UBR2: variants seen among roughly 807,000 people sequenced by gnomAD.
The protein encoded by UBR2 is E3 ubiquitin-protein ligase UBR2.
In UBR2, 92 loss-of-function variants were observed where a neutral mutation model predicts 247.9. The observed-to-expected ratio is 0.37, with a 90% confidence interval of 0.31 to 0.44. The LOEUF (loss-of-function observed/expected upper bound fraction) is 0.44, where lower values mean the gene tolerates loss of function less well. Among genes scored for constraint, UBR2 ranks in the 20% least tolerant of loss-of-function variants. The pLI is 1.00. For missense variants in UBR2, 1,613 were observed against 2,112.6 expected (o/e 0.76, Z 4.64); for synonymous variants, 672 against 693.5 (o/e 0.97, Z 0.49).
chr6:42,659,550 C>G lies in UBR2; in HGVS notation c.3243-106C>G. ...ACACACACACACACACACACACACACACACACACACACTACACACACACAC... is the reference window on the plus strand; with the variant it reads ...ACACACACACACACACACACACACAGACACACACACACTACACACACACAC... On this transcript the variant is annotated intron_variant, in intron 29 of 46. Coordinates refer to ENST00000372901, the MANE Select transcript of UBR2 (RefSeq NM_001363705.2). The surrounding 1 kb of genome is among the most constrained non-coding windows in gnomAD (Gnocchi z 4.3). 1 of 773,230 alleles carries G rather than the reference C, an allele frequency of 1.3e-6. No homozygotes were observed. Among genetic ancestry groups the G allele is most frequent in the Non-Finnish European group, 2.1e-6 (1 of 479,058 alleles). The allele number at this position is 773,230 out of a possible 1,614,324, so 47.9% of individuals were successfully genotyped here.
chr6:42,575,593 C>A (rs1327099835), intron 2 of UBR2, among the ~76,000 whole-genome samples: 8 of 152,092 alleles, frequency 5.3e-5, no homozygotes, highest in African/African-American at 1.9e-4. Context: ...AGATTACAGA[C>A]CAGTTATTTT....
Position 42,658,825 on chromosome 6 carries a change from G to GT in UBR2, c.3242+2dup, listed in dbSNP as rs750233957. ...CAACCTCTGCTGTTCTTGATCATAG[G>GT]TAAAAAAAAAAAAAAAAAAAATTAA... On this transcript the variant is annotated splice_donor_variant, in intron 29 of 46. Transcript: ENST00000372901. LOFTEE classifies it high-confidence loss of function. 7.4e-7 allele frequency: 1 copy of GT among 1,349,732 alleles called. No homozygotes were observed. The highest frequency in any genetic ancestry group is 3.2e-5 in the Admixed American group (1 of 31,394). The allele number at this position is 1,349,732 out of a possible 1,614,324, so 83.6% of individuals were successfully genotyped here.
intron 1 of UBR2, among the ~76,000 whole-genome samples, chr6:42,571,207 C>T (rs1206128050): frequency 1.5e-5 from 2 of 135,022 alleles, no homozygotes; most frequent in Non-Finnish European, 3.1e-5. Context: ...CGCGCCACTG[C>T]ACTCCAGCCT....
chr6:42,607,766 C>T (rs1385702586), intron 7 of UBR2, among the ~76,000 whole-genome samples: 1 of 137,942 alleles, frequency 7.2e-6, no homozygotes, highest in East Asian at 2.2e-4. Context: ...ATTATCCTTT[C>T]TCCTTCCCTA....
At chr6:42,569,848 A>G (rs1425447897) in intron 1 of UBR2, among the ~76,000 whole-genome samples, 1 of 152,196 alleles carries the variant, frequency 6.6e-6, no homozygotes, top group Non-Finnish European at 1.5e-5. Flanking sequence ...TCCTGGAAAC[A>G]TTGTCATAAC....
intron 11 of UBR2, among the ~76,000 whole-genome samples, chr6:42,618,808 A>G (rs924872028): frequency 1.1e-4 from 16 of 152,224 alleles, no homozygotes; most frequent in Non-Finnish European, 2.2e-4. Context: ...TTAGGTGGTG[A>G]AATCTACAGA....
chr6:42,603,395 C>G (rs1793507657), intron 4 of UBR2, among the ~76,000 whole-genome samples, 193 bp from the exon 5 acceptor site: 2 of 151,994 alleles, frequency 1.3e-5, no homozygotes, highest in South Asian at 4.1e-4. Flanking sequence ...TGGGATTGTT[C>G]TGAACTAAAA....
chr6:42,645,675 C>T, intron 21 of UBR2, 85 bp downstream of exon 21: 1 of 1,379,822 alleles, frequency 7.2e-7, no homozygotes, highest in South Asian at 1.3e-5. Context: ...CTTCTGTATA[C>T]CTTTCTCACA....
At chr6:42,637,281 C>A in intron 15 of UBR2, 87 bp downstream of exon 15, 1 of 1,379,596 alleles carries the variant, frequency 7.2e-7, no homozygotes. Flanking sequence ...TACTTTGTGC[C>A]AGATGTTATT....
chr6:42,593,714 G>T (rs1792805436), intron 3 of UBR2, among the ~76,000 whole-genome samples: 1 of 152,098 alleles, frequency 6.6e-6, no homozygotes, highest in Non-Finnish European at 1.5e-5. Flanking sequence ...GGCTATTTAA[G>T]GTGTATTAGA....
chr6:42,682,954 C>A (rs1799139410), intron 42 of UBR2, 101 bp from the exon 43 acceptor site: 1 of 959,470 alleles, frequency 1.0e-6, no homozygotes, highest in Non-Finnish European at 1.6e-6. Flanking sequence ...TATGTTAGGT[C>A]AAGAATATTA....
intron 11 of UBR2, among the ~76,000 whole-genome samples, chr6:42,628,390 C>T (rs1795485785): frequency 6.6e-6 from 1 of 151,932 alleles, no homozygotes; most frequent in Non-Finnish European, 1.5e-5. Flanking sequence ...ATCACAATTA[C>T]CTTACAATTA....
chr6:42,683,207 C>CT, intron 43 of UBR2, 96 bp downstream of exon 43: 1 of 991,668 alleles, frequency 1.0e-6, no homozygotes, highest in Non-Finnish European at 1.5e-6. Context: ...CTTCTCAAGC[C>CT]TTTAGTGATT....
chr6:42,652,208 G>A, intron 24 of UBR2, 137 bp downstream of exon 24: 1 of 882,024 alleles, frequency 1.1e-6, no homozygotes, highest in Non-Finnish European at 1.7e-6. Flanking sequence ...CTCCTATTCA[G>A]AGGAATAATA....
At chr6:42,667,703 TA>T (rs1798197553) in intron 34 of UBR2, among the ~76,000 whole-genome samples, 1 of 111,204 alleles carries the variant, frequency 9.0e-6, no homozygotes, top group Non-Finnish European at 1.9e-5. Context: ...GTTTTCTATG[TA>T]TTTTTTTTTT....
chr6:42,633,445 C>CGCAATCTCAGCTCACTGCGG (rs1562335846), intron 13 of UBR2, among the ~76,000 whole-genome samples: 2 of 151,702 alleles, frequency 1.3e-5, no homozygotes, highest in African/African-American at 2.4e-5. Context: ...GGCTGGAGTG[C>CGCAATCTCAGCTCACTGCGG]AGTGGCGCAA....
At chr6:42,628,284 A>C (rs1325572056) in intron 11 of UBR2, among the ~76,000 whole-genome samples, 1 of 152,208 alleles carries the variant, frequency 6.6e-6, no homozygotes, top group Non-Finnish European at 1.5e-5. Flanking sequence ...TTAAAAAAAA[A>C]ACAAAACTCT....
chr6:42,666,291 G>T, intron 34 of UBR2, 46 bp downstream of exon 34: 1 of 1,494,238 alleles, frequency 6.7e-7, no homozygotes, highest in South Asian at 1.2e-5. Context: ...CATTTGAAAT[G>T]AATGATTAAG....
chr6:42,675,162 T>C (rs1297371020), intron 38 of UBR2, among the ~76,000 whole-genome samples: 1 of 152,190 alleles, frequency 6.6e-6, no homozygotes, highest in African/African-American at 2.4e-5. Context: ...TCCTAATAAA[T>C]GCGGCTATTA....
Sources: allele counts gnomAD v4.1 joint callset (sites outside exome capture counted in the v4.1 genomes callset), GRCh38; gene constraint gnomAD v4.1.1; non-coding constraint Gnocchi (gnomAD v3.1); transcripts MANE v1.5; gene names NCBI Gene and HGNC (gene_info 2026-07-23, HGNC 2026-07-21).